C9orf72: variants seen among roughly 807,000 people sequenced by gnomAD.
C9orf72 encodes the protein C9orf72-SMCR8 complex subunit.
In C9orf72, 44 loss-of-function variants were observed where a neutral mutation model predicts 51.6. The observed-to-expected ratio is 0.85, with a 90% confidence interval of 0.67 to 1.10. The LOEUF (loss-of-function observed/expected upper bound fraction) is 1.10, where lower values mean the gene tolerates loss of function less well. Among genes scored for constraint, C9orf72 ranks in the 50% least tolerant of loss-of-function variants. The pLI, the probability that C9orf72 is intolerant of heterozygous loss-of-function variation, is 0.00. For synonymous variants in C9orf72, 213 were observed against 194.2 expected, an observed-to-expected ratio of 1.10 and a Z score of -0.81; for missense variants, 607 against 570.6, an observed-to-expected ratio of 1.06 and a Z score of -0.65.
Position 27,548,413 on chromosome 9 carries a change from T to A in C9orf72, c.1269A>T (p.Gly423=). The A allele has an allele frequency of 7.3e-7, 1 of 1,369,712 alleles. No homozygotes were observed. Among genetic ancestry groups the A allele is most frequent in the Non-Finnish European group, 9.9e-7 (1 of 1,008,000 alleles). The allele number at this position is 1,369,712 out of a possible 1,614,324, so 84.8% of individuals were successfully genotyped here. ...IKYIEDDTQK[G]KKPFKSLRNL... ...TCCGAAGAGATTTAAAGGGCTTTTTTCCCTTCTGCCTAAAAATAATGGAAA... is the reference window on the plus strand; with the variant it reads ...TCCGAAGAGATTTAAAGGGCTTTTTACCCTTCTGCCTAAAAATAATGGAAA... The change falls in exon 11 of 11, where the codon GGA becomes GGT. Residue 423 remains glycine (G), a synonymous_variant. Transcript: ENST00000380003.
chr9:27,572,463 C>CTT (rs35095891), intron 1 of C9orf72, among the ~76,000 whole-genome samples: 33,938 of 147,896 alleles, frequency 0.23, 3,921 homozygotes, highest in Middle Eastern at 0.29. Context: ...TTAACAGTAT[C>CTT]TTTTTTTTTT....
rs541965231 is a variant in C9orf72, at chr9:27,548,606, C to A, written c.1210G>T (p.Val404Phe). The change falls in exon 10 of 11, where the codon GTC becomes TTC. Residue 404 changes from valine to phenylalanine, a missense_variant. By Grantham distance (50) the Val-to-Phe change is conservative. Coordinates refer to ENST00000380003, the MANE Select transcript of C9orf72 (RefSeq NM_018325.5). ...AGTGTCAAGGCTTTTCTGTGAAGGACAAGTAGAAACTGTGCAAGGAAAGTA... is the reference window on the plus strand; with the variant it reads ...AGTGTCAAGGCTTTTCTGTGAAGGAAAAGTAGAAACTGTGCAAGGAAAGTA... ...RSTFLAQFLL[V>F]LHRKALTLIK... 12 of 1,612,700 alleles carry A rather than the reference C, an allele frequency of 7.4e-6. No homozygotes were observed. The South Asian group carries it at 1.2e-4, about 16-fold the overall frequency.
At chr9:27,552,344 T>C (rs558986007) in intron 8 of C9orf72, among the ~76,000 whole-genome samples, 2 of 88,246 alleles carry the variant, frequency 2.3e-5, no homozygotes, top group African/African-American at 3.5e-5. Context: ...TTGTTTAGGA[T>C]TGTTTGTGAT....
At chr9:27,560,139 A>G in intron 6 of C9orf72, 88 bp downstream of exon 6, 1 of 848,530 alleles carries the variant, frequency 1.2e-6, no homozygotes, top group Non-Finnish European at 1.8e-6. Context: ...AGATCATTTT[A>G]ATTGCAACCT....
intron 3 of C9orf72, among the ~76,000 whole-genome samples, chr9:27,563,513 G>T (rs931499751): frequency 6.6e-6 from 1 of 152,094 alleles, no homozygotes; most frequent in Non-Finnish European, 1.5e-5. Context: ...TATTTAAGAT[G>T]AATTTAATAC....
chr9:27,559,278 A>C (rs995290012), intron 6 of C9orf72: 32 of 151,474 alleles, frequency 2.1e-4, no homozygotes, highest in Middle Eastern at 3.4e-3. Context: ...TAAAAAAAAA[A>C]AAAAAAACAC....
intron 6 of C9orf72, chr9:27,558,926 T>A: frequency 5.2e-6 from 1 of 193,764 alleles, no homozygotes; most frequent in Non-Finnish European, 1.1e-5. Context: ...CATGCAACTT[T>A]TATAGCTTCT....
At chr9:27,554,131 G>C (rs1373077949) in intron 8 of C9orf72, among the ~76,000 whole-genome samples, 1 of 152,116 alleles carries the variant, frequency 6.6e-6, no homozygotes, top group Non-Finnish European at 1.5e-5. Context: ...ACTGAAAATA[G>C]AACTACCATT....
intron 8 of C9orf72, among the ~76,000 whole-genome samples, chr9:27,556,196 T>C (rs544528026): frequency 7.2e-5 from 11 of 152,288 alleles, no homozygotes; most frequent in South Asian, 6.2e-4. Flanking sequence ...GTTTTGTTAA[T>C]AAGTCCATTC....
chr9:27,565,867 A>G (rs1819456329), intron 2 of C9orf72, among the ~76,000 whole-genome samples: 1 of 152,188 alleles, frequency 6.6e-6, no homozygotes. Flanking sequence ...CAAAAAGGAA[A>G]AGAATGACTT....
At chr9:27,568,086 CAAAA>C (rs11418499) in intron 1 of C9orf72, among the ~76,000 whole-genome samples, 9 of 80,596 alleles carry the variant, frequency 1.1e-4, no homozygotes, top group South Asian at 5.1e-4. Context: ...GCTAAAAGGT[CAAAA>C]AAAAAAAAAA....
chr9:27,561,491 A>G, intron 5 of C9orf72, 94 bp downstream of exon 5: 1 of 1,550,934 alleles, frequency 6.4e-7, no homozygotes, highest in Admixed American at 2.0e-5. Context: ...ATCTAAGTAG[A>G]CAGTCTGTTA....
Position 27,566,787 on chromosome 9 carries a change from G to GT in C9orf72, c.333dup (p.Leu112ThrfsTer11). 1.2e-6 allele frequency: 2 copies of GT among 1,613,582 alleles called. No homozygotes were observed. Among genetic ancestry groups the GT allele is most frequent in the Non-Finnish European group, 1.7e-6 (2 of 1,179,560 alleles). On this transcript the variant is annotated frameshift_variant, in exon 2 of 11. Transcript: ENST00000380003. LOFTEE classifies it high-confidence loss of function. Reference sequence around the variant, plus strand: ...TCTGTCTGTGGAAGTATAATTGATAGTCCATATGTGCTGCGATCCCCATTC... The same window carrying GT: ...TCTGTCTGTGGAAGTATAATTGATAGTTCCATATGTGCTGCGATCCCCATTC...
intron 1 of C9orf72, among the ~76,000 whole-genome samples, chr9:27,570,982 G>A (rs960340005): frequency 3.3e-5 from 5 of 152,198 alleles, no homozygotes; most frequent in East Asian, 1.9e-4. Flanking sequence ...CCTGGGAAAT[G>A]AAATGTCACA....
At chr9:27,563,485 A>G (rs1020631617) in intron 3 of C9orf72, among the ~76,000 whole-genome samples, 25 of 152,178 alleles carry the variant, frequency 1.6e-4, no homozygotes, top group African/African-American at 5.3e-4. Context: ...AGCTAAACAT[A>G]TTTTTTAAAT....
In C9orf72 at chr9:27,556,549, A is replaced by G; in HGVS notation, c.1091+12T>C. 1.9e-6 allele frequency: 3 copies of G among 1,546,720 alleles called. No homozygotes were observed. The highest frequency in any genetic ancestry group is 2.7e-6 in the Non-Finnish European group (3 of 1,119,424). ...GCTTGACTACAGTACCAGCAGGCAG[A>G]GCATTACGTACAAATCAGGAGTAAA... On this transcript the variant is annotated intron_variant, in intron 8 of 10. Transcript: ENST00000380003.
intron 1 of C9orf72, 41 bp from the exon 2 acceptor site, chr9:27,567,205 T>G: frequency 5.0e-6 from 6 of 1,189,656 alleles, no homozygotes; most frequent in Non-Finnish European, 7.1e-6. Flanking sequence ...GGTTCAGCAA[T>G]TTAAAGATAT....
At chr9:27,552,081 T>C (rs549381432) in intron 8 of C9orf72, among the ~76,000 whole-genome samples, 37 of 152,288 alleles carry the variant, frequency 2.4e-4, no homozygotes, top group South Asian at 4.1e-4. Context: ...TACAGAATTA[T>C]ACTGCCTGCA....
Position 27,548,032 on chromosome 9 carries a change from A to C in C9orf72, c.*204T>G. ...ACATAGGTCTGTATCCCAAAAGCAT[A>C]AATCTAGGAAAAGAGACACCCAATG... On this transcript the variant is annotated 3_prime_UTR_variant, in exon 11 of 11. Coordinates refer to ENST00000380003, the MANE Select transcript of C9orf72 (RefSeq NM_018325.5). The C allele has an allele frequency of 2.5e-6, 1 of 400,276 alleles. No individual in the cohort carries two copies. 24.8% of individuals were successfully genotyped at this position (400,276 alleles called of 1,614,324 possible). A position where few individuals can be genotyped will look rare whatever the true frequency, so the allele number is the denominator to read the frequency against.
Sources: gnomAD v4.1 joint callset for allele counts (sites outside exome capture counted in the v4.1 genomes callset) on GRCh38, gnomAD v4.1.1 for gene constraint, MANE v1.5 for transcripts, NCBI Gene and HGNC (gene_info 2026-07-23, HGNC 2026-07-21) for gene names.